RARB: variants seen among roughly 807,000 people sequenced by gnomAD.
The protein encoded by RARB is HBV-activated protein.
A neutral mutation model predicts 51.9 loss-of-function variants in RARB; 17 were observed. The observed-to-expected ratio is 0.33, with a 90% CI of 0.22 to 0.49. The LOEUF is 0.49. RARB is among the 20% of genes least tolerant of loss of function. The pLI is 0.99. For missense variants in RARB, 369 were observed against 550.8 expected (o/e 0.67, Z 3.30); for synonymous variants, 215 against 195.4 (o/e 1.10, Z -0.84).
intron 5 of RARB, among the ~76,000 whole-genome samples, chr3:25,329,099 A>T (rs1320290517): frequency 2.6e-5 from 4 of 152,200 alleles, no homozygotes; most frequent in Admixed American, 2.6e-4. Flanking sequence ...CTCTCAGGGC[A>T]GGGCATAGAT....
rs1699255658 is a variant in RARB at position 25,094,391 on chromosome 3, A to G, written c.-328+34215A>G. On this transcript the variant is annotated intron_variant, in intron 3 of 11. Coordinates refer to the RARB transcript ENST00000383772. ...AGCAAAAATTCTCTGGAGGAACCCC[A>G]TGAAGAAGGTAATATCATTCTCATT... Among the ~76,000 whole-genome samples the G allele has an allele frequency of 3.9e-5, 6 of 152,214 alleles. No individual in the cohort carries two copies. The South Asian group carries it at 1.2e-3, about 32-fold the overall frequency.
chr3:24,989,036 G>A (rs1696855692), intron 2 of RARB, among the ~76,000 whole-genome samples: 1 of 152,024 alleles, frequency 6.6e-6, no homozygotes, highest in African/African-American at 2.4e-5. Context: ...ACGTTGGCCA[G>A]GCTGGTCTTG....
intron 4 of RARB, among the ~76,000 whole-genome samples, chr3:25,136,581 G>A (rs1358958193): frequency 2.0e-5 from 3 of 152,080 alleles, no homozygotes; most frequent in South Asian, 2.1e-4. Flanking sequence ...CACTAATTAT[G>A]TGACAATGGT....
chr3:25,215,793 G>A (rs929043000), intron 5 of RARB, among the ~76,000 whole-genome samples: 3 of 152,136 alleles, frequency 2.0e-5, no homozygotes, highest in Non-Finnish European at 4.4e-5. Context: ...TGGGTCTTAC[G>A]AGGATCAGGA....
intron 5 of RARB, among the ~76,000 whole-genome samples, chr3:25,304,082 A>C (rs1447407494): frequency 6.6e-6 from 1 of 152,138 alleles, no homozygotes; most frequent in African/African-American, 2.4e-5. Context: ...TTTCTTTGCT[A>C]ACCTTAAAAA....
intron 2 of RARB, among the ~76,000 whole-genome samples, chr3:24,973,128 C>A (rs1696437243): frequency 6.6e-6 from 1 of 151,876 alleles, no homozygotes; most frequent in Admixed American, 6.6e-5. Flanking sequence ...TTTAAGTGTT[C>A]AATCCATTTT....
intron 2 of RARB, among the ~76,000 whole-genome samples, chr3:25,013,234 C>T (rs779120275): frequency 4.5e-4 from 69 of 152,198 alleles, no homozygotes; most frequent in Non-Finnish European, 8.8e-4. Flanking sequence ...GGCATGAAGA[C>T]CAGTGTTTAG....
At position 25,443,235 on chromosome 3, in the gene RARB, T is replaced by C. The variant is rs114312338; in HGVS notation, c.157+14347T>C. On this transcript the variant is annotated intron_variant, in intron 1 of 7. Coordinates refer to ENST00000330688, the MANE Select transcript of RARB (RefSeq NM_000965.5). Reference sequence around the variant, plus strand: ...CTGTCAAAAACTTGGGAGGTTCAGTTTGGCTGGGATGGCAAAGTAAGTAAG... The same window carrying C: ...CTGTCAAAAACTTGGGAGGTTCAGTCTGGCTGGGATGGCAAAGTAAGTAAG... Among the ~76,000 whole-genome samples the C allele has an allele frequency of 4.6e-3, 697 of 152,232 alleles. 6 individuals carry two copies. The highest frequency in any genetic ancestry group is 0.016 in the African/African-American group (645 of 41,542).
intron 2 of RARB, among the ~76,000 whole-genome samples, chr3:25,487,039 G>T (rs1020137657): frequency 1.3e-5 from 2 of 152,088 alleles, no homozygotes; most frequent in African/African-American, 2.4e-5. Flanking sequence ...AGGGATGCTG[G>T]ACTAGTTCCC....
chr3:25,228,974 A>AG (rs1187132610), intron 5 of RARB, among the ~76,000 whole-genome samples: 3 of 152,020 alleles, frequency 2.0e-5, no homozygotes, highest in African/African-American at 7.2e-5. Flanking sequence ...TCCTTGTTGC[A>AG]GGAGCCAGAA....
chr3:25,512,599 C>T (rs906610546), intron 3 of RARB, among the ~76,000 whole-genome samples: 5 of 152,346 alleles, frequency 3.3e-5, no homozygotes, highest in Middle Eastern at 3.4e-3. Flanking sequence ...CATCCTTAGG[C>T]GGTGCCTGCT....
At chr3:25,284,608 C>A (rs2125417706) in intron 5 of RARB, among the ~76,000 whole-genome samples, 1 of 152,094 alleles carries the variant, frequency 6.6e-6, no homozygotes, top group African/African-American at 2.4e-5. Flanking sequence ...TGTCAGCAAC[C>A]CATAAATCCC....
chr3:25,336,045 C>A (rs1575321852), intron 5 of RARB, among the ~76,000 whole-genome samples: 2 of 148,136 alleles, frequency 1.4e-5, no homozygotes. Flanking sequence ...CAGTTTTCAC[C>A]AGAAGACACC....
At chr3:25,210,275 T>TA (rs1265532026) in intron 5 of RARB, among the ~76,000 whole-genome samples, 2 of 152,148 alleles carry the variant, frequency 1.3e-5, no homozygotes, top group African/African-American at 4.8e-5. Flanking sequence ...CCTGTCCCAA[T>TA]ACACCCTGTG....
intron 3 of RARB, among the ~76,000 whole-genome samples, chr3:25,522,057 G>C (rs903028000): frequency 6.6e-5 from 10 of 151,882 alleles, no homozygotes; most frequent in African/African-American, 1.9e-4. Flanking sequence ...CTATAAAAGA[G>C]TATCATCATT....
intron 5 of RARB, among the ~76,000 whole-genome samples, chr3:25,391,979 G>T (rs2125487854): frequency 6.6e-6 from 1 of 152,262 alleles, no homozygotes; most frequent in South Asian, 2.1e-4. Flanking sequence ...CCAATGTCTA[G>T]AATGGTTTTT....
At chr3:25,498,643 G>A (rs1036155074) in intron 2 of RARB, among the ~76,000 whole-genome samples, 9 of 152,180 alleles carry the variant, frequency 5.9e-5, no homozygotes, top group Non-Finnish European at 8.8e-5. Context: ...TTTGAGCATC[G>A]TGAGATTGTT....
At chr3:24,866,844 C>G (rs1325540397) in intron 2 of RARB, among the ~76,000 whole-genome samples, 3 of 151,996 alleles carry the variant, frequency 2.0e-5, no homozygotes, top group Admixed American at 6.6e-5. Flanking sequence ...AATCAGCCTC[C>G]CCAAGGATTT....
At chr3:25,124,976 C>G (rs1415580936) in intron 3 of RARB, among the ~76,000 whole-genome samples, 2 of 152,100 alleles carry the variant, frequency 1.3e-5, no homozygotes, top group Non-Finnish European at 2.9e-5. Flanking sequence ...TTACTAATGA[C>G]TTATATAAAA....
Sources: gnomAD v4.1 joint callset for allele counts (sites outside exome capture counted in the v4.1 genomes callset) on GRCh38, gnomAD v4.1.1 for gene constraint, MANE v1.5 for transcripts, NCBI Gene and HGNC (gene_info 2026-07-23, HGNC 2026-07-21) for gene names.